PID1: variants seen among roughly 807,000 people sequenced by gnomAD.
The protein encoded by PID1 is phosphotyrosine interaction domain containing 1.
PID1 carries 10 observed loss-of-function variants against 19.1 expected under a neutral mutation model. That is an observed-to-expected ratio of 0.52 (90% CI 0.32 to 0.89). PID1 has a LOEUF of 0.89. Ranked by LOEUF, PID1 falls within the 40% of genes least tolerant of loss-of-function variation. PID1 has a pLI of 0.03. For synonymous variants in PID1, 130 were observed against 116.0 expected (o/e 1.12, Z -0.78); for missense variants, 248 against 285.3 (o/e 0.87, Z 0.94).
chr2:229,227,245 T>C (rs904279420), intron 1 of PID1, among the ~76,000 whole-genome samples: 1 of 152,240 alleles, frequency 6.6e-6, no homozygotes, highest in Non-Finnish European at 1.5e-5. Context: ...TACTTAAATT[T>C]AAATTTACTA....
chr2:229,109,448 G>A (rs1695249435), intron 2 of PID1, among the ~76,000 whole-genome samples: 1 of 152,180 alleles, frequency 6.6e-6, no homozygotes, highest in Admixed American at 6.5e-5. Context: ...TGGCTGTGGT[G>A]CGGAATCCCA....
At chr2:229,087,466 AT>A (rs1694791885) in intron 2 of PID1, among the ~76,000 whole-genome samples, 1 of 152,178 alleles carries the variant, frequency 6.6e-6, no homozygotes, top group African/African-American at 2.4e-5. Flanking sequence ...AGGGGATCAA[AT>A]GTCTCCTGCA....
chr2:229,145,281 T>C (rs11884358), intron 2 of PID1, among the ~76,000 whole-genome samples: 20,529 of 150,516 alleles, frequency 0.14, 1,676 homozygotes, highest in East Asian at 0.28. Flanking sequence ...TTATAATCTT[T>C]GGAGAGTCTC....
At chr2:229,244,250 C>G (rs933083837) in intron 1 of PID1, among the ~76,000 whole-genome samples, 1 of 152,078 alleles carries the variant, frequency 6.6e-6, no homozygotes, top group Non-Finnish European at 1.5e-5. Context: ...CCAAAAGAAC[C>G]CCATACCCAG....
At chr2:229,224,400 C>G (rs1156234104) in intron 1 of PID1, among the ~76,000 whole-genome samples, 1 of 152,148 alleles carries the variant, frequency 6.6e-6, no homozygotes, top group Non-Finnish European at 1.5e-5. Flanking sequence ...AAACACAGAC[C>G]AAACAATGTC....
chr2:229,185,712 C>A (rs1224652997), intron 1 of PID1, among the ~76,000 whole-genome samples: 1 of 152,102 alleles, frequency 6.6e-6, no homozygotes, highest in Non-Finnish European at 1.5e-5. Context: ...GGAAAGACTG[C>A]CCCCATGATT....
At chr2:229,168,329 C>G (rs1436081126) in intron 1 of PID1, among the ~76,000 whole-genome samples, 1 of 152,114 alleles carries the variant, frequency 6.6e-6, no homozygotes, top group African/African-American at 2.4e-5. Context: ...TCCCACAAAT[C>G]TTGTATGGTC....
chr2:229,045,636 A>G (rs981983607), intron 2 of PID1, among the ~76,000 whole-genome samples: 1 of 152,260 alleles, frequency 6.6e-6, no homozygotes, highest in Non-Finnish European at 1.5e-5. Context: ...AACAGTGAGC[A>G]GTGCCTTGCA....
At chr2:229,076,340 T>C (rs1483341275) in intron 2 of PID1, among the ~76,000 whole-genome samples, 1 of 152,140 alleles carries the variant, frequency 6.6e-6, no homozygotes. Context: ...TTTGCATTTA[T>C]GGACCATCCT....
chr2:229,054,703 A>AGT (rs149214177), intron 2 of PID1, among the ~76,000 whole-genome samples: 789 of 44,034 alleles, frequency 0.018, 32 homozygotes, highest in East Asian at 0.063. Flanking sequence ...ACAGTAATGC[A>AGT]GTGTGTGTGT....
chr2:229,259,417 G>C (rs1327139333), intron 1 of PID1, among the ~76,000 whole-genome samples: 1 of 152,054 alleles, frequency 6.6e-6, no homozygotes, highest in East Asian at 1.9e-4. Flanking sequence ...TTGTTCTAAG[G>C]AATCTCTGCC....
At chr2:229,055,013 G>A (rs925627794) in intron 2 of PID1, among the ~76,000 whole-genome samples, 1 of 152,160 alleles carries the variant, frequency 6.6e-6, no homozygotes, top group Non-Finnish European at 1.5e-5. Context: ...CAGCATCCGT[G>A]CAAATGAAGA....
At chr2:229,073,555 G>A (rs1375245647) in intron 2 of PID1, among the ~76,000 whole-genome samples, 3 of 152,106 alleles carry the variant, frequency 2.0e-5, no homozygotes, top group Non-Finnish European at 2.9e-5. Context: ...TATCCCCCAC[G>A]TATTTTGGGG....
chr2:229,182,027 G>T (rs1037725811), intron 1 of PID1, among the ~76,000 whole-genome samples: 1 of 152,198 alleles, frequency 6.6e-6, no homozygotes, highest in Non-Finnish European at 1.5e-5. Flanking sequence ...ACAGTATAAA[G>T]ATTAGTGGTT....
Position 229,075,285 on chromosome 2 carries a change from G to A in PID1, c.178-49177C>T, listed in dbSNP as rs553717931. On this transcript the variant is annotated intron_variant, in intron 2 of 2. Coordinates refer to ENST00000392055, the MANE Select transcript of PID1 (RefSeq NM_001100818.2). ...TTGCACCATGGTGAAGTAAAAAATC[G>A]TAAGTCAAACCATTGTAAGTTGAGG... is the stretch of plus-strand genomic sequence containing the variant. Among the ~76,000 whole-genome samples, 23 of 152,246 alleles carry A rather than the reference G, an allele frequency of 1.5e-4. 1 individual carries two copies. The South Asian group carries it at 4.1e-3, about 27-fold the overall frequency.
At chr2:229,267,506 C>T (rs554973457) in intron 1 of PID1, among the ~76,000 whole-genome samples, 16 of 152,160 alleles carry the variant, frequency 1.1e-4, no homozygotes, top group Non-Finnish European at 2.1e-4. Context: ...AGAACTCATA[C>T]GCCTATCACA....
intron 1 of PID1, chr2:229,231,925 C>A: frequency 2.6e-6 from 4 of 1,550,374 alleles, no homozygotes; most frequent in Non-Finnish European, 3.5e-6. Flanking sequence ...GATTTTCTCA[C>A]CGTTCCGGAG....
chr2:229,083,933 C>T (rs1228400862), intron 2 of PID1, among the ~76,000 whole-genome samples: 1 of 152,154 alleles, frequency 6.6e-6, no homozygotes, highest in Non-Finnish European at 1.5e-5. Flanking sequence ...TTCAATGGCT[C>T]CCAGATTTTT....
At chr2:229,261,702 G>A (rs1352792522) in intron 1 of PID1, among the ~76,000 whole-genome samples, 1 of 152,196 alleles carries the variant, frequency 6.6e-6, no homozygotes, top group Non-Finnish European at 1.5e-5. Context: ...TTCTAGAGAA[G>A]AGAATGAAAA....
Sources: allele counts gnomAD v4.1 joint callset (sites outside exome capture counted in the v4.1 genomes callset), GRCh38; gene constraint gnomAD v4.1.1; transcripts MANE v1.5; gene names NCBI Gene and HGNC (gene_info 2026-07-23, HGNC 2026-07-21).